The following HNRNPLL variants were observed in gnomAD, a reference collection of about 807,000 sequenced individuals.
HNRNPLL encodes heterogeneous nuclear ribonucleoprotein L like.
Under a neutral mutation model 67.1 loss-of-function variants are expected in HNRNPLL, and 25 were observed. The ratio of observed to expected loss-of-function variants is 0.37; its 90% CI spans 0.27 to 0.52. The LOEUF is 0.52. HNRNPLL is among the 20% of genes least tolerant of loss of function. The probability of loss-of-function intolerance (pLI) is 0.90; values close to 1 mark genes in which losing one functional copy is unlikely to be tolerated. For missense variants in HNRNPLL, 542 were observed against 673.9 expected, an observed-to-expected ratio of 0.80 and a Z score of 2.17; for synonymous variants, 267 against 241.7, an observed-to-expected ratio of 1.10 and a Z score of -0.97.
intron 7 of HNRNPLL, among the ~76,000 whole-genome samples, chr2:38,576,226 T>G (rs1666296118): frequency 6.6e-6 from 1 of 151,786 alleles, no homozygotes; most frequent in Non-Finnish European, 1.5e-5. Flanking sequence ...GGCAAAATAT[T>G]TAACCAGTTT....
At chr2:38,585,583 TCA>T in intron 3 of HNRNPLL, 59 bp downstream of exon 3, 1 of 987,882 alleles carries the variant, frequency 1.0e-6, no homozygotes, top group Admixed American at 1.8e-5. Flanking sequence ...TACAGATCAG[TCA>T]CTCTGGAGGC....
chr2:38,602,841 C>T lies in HNRNPLL; in HGVS notation c.-215G>A. The T allele has an allele frequency of 6.5e-7, 1 of 1,548,960 alleles. No homozygotes were observed. Among genetic ancestry groups the T allele is most frequent in the Non-Finnish European group, 8.7e-7 (1 of 1,146,200 alleles). ...CCCCGGGAGGAAGCTCTGGAGCGGC[C>T]GCTCCTCTCAATTACCGAGCCAACA... On this transcript the variant is annotated 5_prime_UTR_variant, in exon 1 of 13. Transcript: ENST00000449105.
At chr2:38,602,101 G>T in intron 1 of HNRNPLL, 1 of 317,842 alleles carries the variant, frequency 3.1e-6, no homozygotes, top group South Asian at 3.6e-5. Flanking sequence ...CGAGCCCGAG[G>T]AGTTAAACTA....
intron 7 of HNRNPLL, among the ~76,000 whole-genome samples, chr2:38,574,925 T>C (rs1234984271): frequency 6.6e-6 from 1 of 151,862 alleles, no homozygotes; most frequent in African/African-American, 2.4e-5. Context: ...CTTATTCCTA[T>C]TGCAAAAGTA....
chr2:38,595,574 G>T (rs867879464), intron 1 of HNRNPLL, among the ~76,000 whole-genome samples: 1 of 152,236 alleles, frequency 6.6e-6, no homozygotes. Flanking sequence ...GCCGGGCGCA[G>T]TGGCTCACGC....
intron 1 of HNRNPLL, among the ~76,000 whole-genome samples, chr2:38,594,245 G>A (rs902239453): frequency 6.6e-6 from 1 of 152,094 alleles, no homozygotes; most frequent in Admixed American, 6.6e-5. Context: ...TTAGACAATA[G>A]TTAAAACTAC....
In HNRNPLL at chr2:38,602,610, G is replaced by A. The variant is rs932467274; in HGVS notation, c.17C>T (p.Ser6Phe). MSSSS[S>F]SPRETYEEDR... ...CTCCTCGTACGTCTCCCTGGGGGAG[G>A]AAGAGGAGGAGGACATGGCGGCGGC... The change falls in exon 1 of 13, where the codon TCC (serine) becomes TTC (phenylalanine). Residue 6 changes from serine (S) to phenylalanine (F), a missense_variant. Transcript: ENST00000449105. The A allele has an allele frequency of 2.6e-6, 4 of 1,559,150 alleles. No individual in the cohort carries two copies. The highest frequency in any genetic ancestry group is 1.2e-5 in the South Asian group (1 of 84,130).
chr2:38,588,219 T>C (rs1420428979), intron 2 of HNRNPLL, among the ~76,000 whole-genome samples: 1 of 152,096 alleles, frequency 6.6e-6, no homozygotes, highest in African/African-American at 2.4e-5. Context: ...TATTGGCCTG[T>C]TATAGACTTA....
rs1203955129 is a variant in HNRNPLL, at chr2:38,602,845, C to T, written c.-219G>A. 4 of 1,548,944 alleles carry T rather than the reference C, an allele frequency of 2.6e-6. No homozygotes were observed. Among genetic ancestry groups the T allele is most frequent in the Non-Finnish European group, 3.5e-6 (4 of 1,146,268 alleles). ...GGGAGGAAGCTCTGGAGCGGCCGCTCCTCTCAATTACCGAGCCAACATTCA... is the reference window on the plus strand; with the variant it reads ...GGGAGGAAGCTCTGGAGCGGCCGCTTCTCTCAATTACCGAGCCAACATTCA... On this transcript the variant is annotated 5_prime_UTR_variant, in exon 1 of 13. Coordinates refer to ENST00000449105, the MANE Select transcript of HNRNPLL (RefSeq NM_138394.4).
chr2:38,602,053 G>A (rs2148397238), intron 1 of HNRNPLL: 1 of 220,660 alleles, frequency 4.5e-6, no homozygotes, highest in Admixed American at 6.2e-5. Context: ...GCTGCGGGCA[G>A]AGGGACTGAA....
chr2:38,587,064 T>G (rs1260501378), intron 2 of HNRNPLL, among the ~76,000 whole-genome samples: 4 of 152,140 alleles, frequency 2.6e-5, no homozygotes, highest in African/African-American at 9.7e-5. Flanking sequence ...TACAATTAAG[T>G]GGTTTTCGTA....
intron 2 of HNRNPLL, among the ~76,000 whole-genome samples, chr2:38,587,702 G>A (rs1362164019): frequency 6.6e-6 from 1 of 152,190 alleles, no homozygotes; most frequent in Non-Finnish European, 1.5e-5. Context: ...GTATTACTGA[G>A]TTTATGTTAT....
At chr2:38,578,270 C>T (rs571989416) in intron 6 of HNRNPLL, among the ~76,000 whole-genome samples, 6 of 152,044 alleles carry the variant, frequency 3.9e-5, no homozygotes, top group Admixed American at 2.0e-4. Flanking sequence ...ATTCTAGCTA[C>T]GTTTTCAGAA....
intron 1 of HNRNPLL, among the ~76,000 whole-genome samples, chr2:38,600,545 T>G (rs1414185620): frequency 1.3e-5 from 2 of 151,938 alleles, no homozygotes; most frequent in African/African-American, 4.8e-5. Flanking sequence ...TTTGGCAATA[T>G]GGTGAAACCC....
chr2:38,575,487 T>C (rs542970789), intron 7 of HNRNPLL, among the ~76,000 whole-genome samples: 91 of 151,962 alleles, frequency 6.0e-4, no homozygotes, highest in African/African-American at 2.1e-3. Context: ...AATCTATGTA[T>C]CAATTTCTGC....
intron 6 of HNRNPLL, among the ~76,000 whole-genome samples, chr2:38,579,504 G>A (rs987338120): frequency 3.4e-4 from 51 of 151,912 alleles, no homozygotes; most frequent in African/African-American, 1.1e-3. Flanking sequence ...ACAGAAGTGA[G>A]CAGAAAGTTG....
intron 8 of HNRNPLL, 141 bp downstream of exon 8, chr2:38,573,069 A>T: frequency 1.6e-6 from 1 of 631,812 alleles, no homozygotes. Flanking sequence ...GAGTTCCTAT[A>T]TAATAGATTT....
chr2:38,583,966 C>G, intron 3 of HNRNPLL, 40 bp from the exon 4 acceptor site: 1 of 876,956 alleles, frequency 1.1e-6, no homozygotes, highest in Non-Finnish European at 1.8e-6. Flanking sequence ...CACTTTACAT[C>G]TGAAAAAACA....
chr2:38,595,194 T>C (rs989404361), intron 1 of HNRNPLL, among the ~76,000 whole-genome samples: 4 of 141,412 alleles, frequency 2.8e-5, no homozygotes, highest in Admixed American at 7.6e-5. Context: ...GTGGAAGGAC[T>C]GCTTGAACCC....
Sources: allele counts gnomAD v4.1 joint callset (sites outside exome capture counted in the v4.1 genomes callset), GRCh38; gene constraint gnomAD v4.1.1; transcripts MANE v1.5; gene names NCBI Gene and HGNC (gene_info 2026-07-23, HGNC 2026-07-21).